PRUNE2: variants seen among roughly 807,000 people sequenced by gnomAD.
PRUNE2 encodes the protein prune homolog 2 with BCH domain.
A neutral mutation model predicts 252.0 loss-of-function variants in PRUNE2; 164 were observed. The observed-to-expected ratio is 0.65, with a 90% CI of 0.57 to 0.74. The LOEUF (loss-of-function observed/expected upper bound fraction) is 0.74, where lower values mean the gene tolerates loss of function less well. Ranked by LOEUF, PRUNE2 falls within the 30% of genes least tolerant of loss-of-function variation. The pLI, the probability that PRUNE2 is intolerant of heterozygous loss-of-function variation, is 0.00. For synonymous variants in PRUNE2, 1,292 were observed against 1,350.2 expected, an observed-to-expected ratio of 0.96 and a Z score of 0.94; for missense variants, 3,495 against 3,711.0, an observed-to-expected ratio of 0.94 and a Z score of 1.51.
At chr9:76,741,224 C>T (rs2049590868) in intron 6 of PRUNE2, among the ~76,000 whole-genome samples, 1 of 152,196 alleles carries the variant, frequency 6.6e-6, no homozygotes, top group African/African-American at 2.4e-5. Context: ...TCAACTATCT[C>T]AAGACAACTG....
intron 9 of PRUNE2, among the ~76,000 whole-genome samples, chr9:76,694,221 C>T (rs1282086484): frequency 4.0e-5 from 6 of 151,642 alleles, no homozygotes; most frequent in Admixed American, 3.9e-4. Flanking sequence ...TGCCCAGGTT[C>T]GCCCAGGCTG....
intron 1 of PRUNE2, among the ~76,000 whole-genome samples, chr9:76,866,999 T>C (rs942445334): frequency 2.0e-5 from 3 of 152,170 alleles, no homozygotes; most frequent in African/African-American, 7.2e-5. Context: ...CACTCAGACT[T>C]GTGCCTGGTA....
At chr9:76,693,433 C>T (rs2045008347) in intron 9 of PRUNE2, among the ~76,000 whole-genome samples, 1 of 101,558 alleles carries the variant, frequency 9.8e-6, no homozygotes, top group Non-Finnish European at 1.8e-5. Context: ...GATGTTAGCA[C>T]CTACTCTTTT....
chr9:76,818,398 A>C (rs2057824805), intron 6 of PRUNE2, among the ~76,000 whole-genome samples: 1 of 152,158 alleles, frequency 6.6e-6, no homozygotes. Context: ...TTGGGAATTC[A>C]TTCTGGTCTG....
chr9:76,644,974 C>G, intron 11 of PRUNE2, 65 bp from the exon 12 acceptor site: 1 of 1,445,328 alleles, frequency 6.9e-7, no homozygotes, highest in Non-Finnish European at 9.5e-7. Flanking sequence ...GCTAAACAGC[C>G]AAATGGTAAG....
At chr9:76,821,981 C>T (rs1449952832) in intron 6 of PRUNE2, among the ~76,000 whole-genome samples, 2 of 152,062 alleles carry the variant, frequency 1.3e-5, no homozygotes, top group Non-Finnish European at 2.9e-5. Context: ...GCATTTAAAA[C>T]CTAATAAGAT....
chr9:76,796,128 T>C (rs1214947892), intron 6 of PRUNE2, among the ~76,000 whole-genome samples: 1 of 152,228 alleles, frequency 6.6e-6, no homozygotes, highest in East Asian at 1.9e-4. Context: ...AGATATATGA[T>C]CACTCATAAA....
intron 6 of PRUNE2, chr9:76,738,710 T>A (rs1313619072): frequency 6.6e-6 from 1 of 152,078 alleles, no homozygotes; most frequent in Non-Finnish European, 1.5e-5. Context: ...TAAAAAGTCA[T>A]GAGAGTTGAG....
rs1187122763 is a variant in PRUNE2 at position 76,708,290 on chromosome 9, C to T, written c.3984G>A (p.Lys1328=). ...CCCTGTCAGTGGCTCCCTGGGCTTCCTTCTCACTTTCACTTTGTCCATCGC... is the reference window on the plus strand; with the variant it reads ...CCCTGTCAGTGGCTCCCTGGGCTTCTTTCTCACTTTCACTTTGTCCATCGC... ...GHGDGQSESE[K]EAQGATDRGH... Residue 1328 remains lysine (K), a synonymous_variant, in exon 8 of 19, where the codon AAG becomes AAA. Transcript: ENST00000376718. 6.2e-7 allele frequency: 1 copy of T among 1,613,808 alleles called. No homozygotes were observed. Among genetic ancestry groups the T allele is most frequent in the East Asian group, 2.2e-5 (1 of 44,870 alleles).
chr9:76,686,242 G>A (rs187443509), intron 9 of PRUNE2, among the ~76,000 whole-genome samples: 19 of 152,262 alleles, frequency 1.2e-4, no homozygotes, highest in Admixed American at 5.9e-4. Flanking sequence ...CATTACATGA[G>A]ATTCCATGAC....
intron 6 of PRUNE2, among the ~76,000 whole-genome samples, chr9:76,765,054 TCAAG>T (rs2052185916): frequency 6.6e-6 from 1 of 152,170 alleles, no homozygotes; most frequent in Non-Finnish European, 1.5e-5. Flanking sequence ...AATGGAGATA[TCAAG>T]CAGGCAAGTT....
chr9:76,756,989 T>C (rs887639894), intron 6 of PRUNE2, among the ~76,000 whole-genome samples: 1 of 152,234 alleles, frequency 6.6e-6, no homozygotes. Flanking sequence ...TAAATTCTAC[T>C]GCAAAACTTT....
At chr9:76,789,395 C>T (rs753511451) in intron 6 of PRUNE2, among the ~76,000 whole-genome samples, 1 of 152,178 alleles carries the variant, frequency 6.6e-6, no homozygotes, top group Non-Finnish European at 1.5e-5. Flanking sequence ...AGCCAAGACT[C>T]GACTCCCAGA....
intron 9 of PRUNE2, among the ~76,000 whole-genome samples, chr9:76,671,696 C>T (rs1196542747): frequency 5.9e-5 from 9 of 151,974 alleles, no homozygotes; most frequent in East Asian, 1.9e-4. Flanking sequence ...AGACTAACAG[C>T]GGATCTCTCG....
chr9:76,769,712 A>G (rs974855828), intron 6 of PRUNE2, among the ~76,000 whole-genome samples: 1 of 152,222 alleles, frequency 6.6e-6, no homozygotes, highest in Non-Finnish European at 1.5e-5. Context: ...GGCGTGAAAC[A>G]CTTTCAATAT....
chr9:76,731,183 C>T (rs1170397520), intron 6 of PRUNE2, among the ~76,000 whole-genome samples: 1 of 151,804 alleles, frequency 6.6e-6, no homozygotes, highest in Non-Finnish European at 1.5e-5. Context: ...TATATACTTG[C>T]TGCTGTGGAA....
intron 11 of PRUNE2, among the ~76,000 whole-genome samples, chr9:76,650,769 T>G (rs528418463): frequency 6.6e-6 from 1 of 152,370 alleles, no homozygotes; most frequent in South Asian, 2.1e-4. Flanking sequence ...AAGAGCCATG[T>G]CAGCAAGTGG....
At chr9:76,690,311 G>A (rs1456351231) in intron 9 of PRUNE2, among the ~76,000 whole-genome samples, 1 of 152,224 alleles carries the variant, frequency 6.6e-6, no homozygotes, top group African/African-American at 2.4e-5. Flanking sequence ...CTTGGTTCAT[G>A]TAAAGCCTCT....
intron 6 of PRUNE2, among the ~76,000 whole-genome samples, chr9:76,761,675 A>G (rs1036917554): frequency 6.6e-6 from 1 of 152,204 alleles, no homozygotes; most frequent in African/African-American, 2.4e-5. Context: ...AGAAAGTGAA[A>G]GTCTTTAGAA....
Sources: allele counts gnomAD v4.1 joint callset (sites outside exome capture counted in the v4.1 genomes callset), GRCh38; gene constraint gnomAD v4.1.1; transcripts MANE v1.5; gene names NCBI Gene and HGNC (gene_info 2026-07-23, HGNC 2026-07-21).